The following VOPP1 variants were observed in gnomAD, a reference collection of about 807,000 sequenced individuals.
VOPP1 encodes WW domain binding protein VOPP1.
VOPP1 carries 8 observed loss-of-function variants against 23.5 expected under a neutral mutation model. That is an observed-to-expected ratio of 0.34 (90% confidence interval 0.20 to 0.61). VOPP1 has a LOEUF of 0.61. Among genes scored for constraint, VOPP1 ranks in the 20% least tolerant of loss-of-function variants. The probability of loss-of-function intolerance (pLI) is 0.78; values close to 1 mark genes in which losing one functional copy is unlikely to be tolerated. For missense variants in VOPP1, 174 were observed against 238.1 expected (o/e 0.73, Z 1.77); for synonymous variants, 83 against 97.3 (o/e 0.85, Z 0.86).
intron 3 of VOPP1, chr7:55,492,716 T>C (rs907178583): frequency 3.6e-6 from 1 of 274,582 alleles, no homozygotes; most frequent in Non-Finnish European, 6.8e-6. Flanking sequence ...AAGAAAAAGC[T>C]CATGCAGTCA....
intron 2 of VOPP1, among the ~76,000 whole-genome samples, chr7:55,519,145 G>A (rs549442211): frequency 2.3e-4 from 35 of 152,286 alleles, no homozygotes; most frequent in African/African-American, 7.0e-4. Flanking sequence ...GCTGAACTTC[G>A]TGTTCTCATG....
chr7:55,482,482 ATTTTTT>A (rs71031859), intron 4 of VOPP1, among the ~76,000 whole-genome samples: 9 of 132,810 alleles, frequency 6.8e-5, no homozygotes, highest in African/African-American at 2.1e-4. Flanking sequence ...CACCTGGCTA[ATTTTTT>A]TTTTTTTTTT....
chr7:55,562,076 G>A lies in VOPP1; in HGVS notation c.54+10195C>T. The A allele has an allele frequency of 4.3e-6, 3 of 703,012 alleles. No homozygotes were observed. The South Asian group carries it at 4.4e-5, about 10-fold the overall frequency. 43.5% of individuals were successfully genotyped at this position (703,012 alleles called of 1,614,324 possible). On this transcript the variant is annotated intron_variant, in intron 1 of 4. Coordinates refer to ENST00000285279, the MANE Select transcript of VOPP1 (RefSeq NM_030796.5). ...TCTGTTAAAAAATAAAGATGACTAG[G>A]CTCCAGGTGCAGGTAATTGTTCGAA...
chr7:55,489,602 G>A (rs964786870), intron 4 of VOPP1, among the ~76,000 whole-genome samples: 14 of 152,228 alleles, frequency 9.2e-5, no homozygotes, highest in Admixed American at 1.3e-4. Context: ...TGTCCAGGCT[G>A]TGCAGTGTTT....
chr7:55,438,140 C>T (rs950627052), intron 4 of VOPP1, among the ~76,000 whole-genome samples: 2 of 152,126 alleles, frequency 1.3e-5, no homozygotes, highest in Admixed American at 1.3e-4. Context: ...GGTGATTCGT[C>T]TGCCTCGGCC....
intron 1 of VOPP1, among the ~76,000 whole-genome samples, chr7:55,525,789 TAAAAAAAAAAAAA>T (rs141901865): frequency 1.3e-5 from 1 of 77,954 alleles, no homozygotes; most frequent in Admixed American, 1.6e-4. Context: ...AAAACCTCTC[TAAAAAAAAAAAAA>T]AAAAAAAAAA....
intron 1 of VOPP1, among the ~76,000 whole-genome samples, chr7:55,531,533 G>A (rs1437992889): frequency 6.6e-6 from 1 of 152,130 alleles, no homozygotes; most frequent in African/African-American, 2.4e-5. Context: ...TGTATTTTTA[G>A]TAGAGATGGG....
intron 1 of VOPP1, among the ~76,000 whole-genome samples, chr7:55,536,426 G>A (rs746279974): frequency 4.6e-5 from 7 of 152,172 alleles, no homozygotes; most frequent in Non-Finnish European, 8.8e-5. Context: ...CTACTCGGGA[G>A]GTTGAGGCAG....
intron 2 of VOPP1, among the ~76,000 whole-genome samples, chr7:55,499,021 A>G (rs1794179013): frequency 6.6e-6 from 1 of 152,110 alleles, no homozygotes. Flanking sequence ...CATTCCACAG[A>G]CAATATGGCA....
At chr7:55,436,218 C>T (rs1481703033) in intron 4 of VOPP1, 1 of 152,196 alleles carries the variant, frequency 6.6e-6, no homozygotes, top group African/African-American at 2.4e-5. Flanking sequence ...TTACAGCCAA[C>T]CCAGGGTGGT....
At chr7:55,552,652 C>G in intron 1 of VOPP1, 1 of 1,536,052 alleles carries the variant, frequency 6.5e-7, no homozygotes, top group Non-Finnish European at 8.7e-7. Context: ...CCTTTTCCTA[C>G]CATATGACAC....
chr7:55,542,706 C>T (rs1327645827), intron 1 of VOPP1, among the ~76,000 whole-genome samples: 1 of 151,848 alleles, frequency 6.6e-6, no homozygotes, highest in African/African-American at 2.4e-5. Flanking sequence ...AGGAGAATCA[C>T]TTGAACCCTA....
intron 4 of VOPP1, among the ~76,000 whole-genome samples, chr7:55,437,026 C>T (rs948405004): frequency 6.6e-6 from 1 of 152,176 alleles, no homozygotes; most frequent in Non-Finnish European, 1.5e-5. Context: ...AAACGTGTCC[C>T]GAGCAGCATA....
intron 1 of VOPP1, among the ~76,000 whole-genome samples, chr7:55,551,646 C>T (rs972890677): frequency 1.2e-4 from 18 of 152,090 alleles, no homozygotes; most frequent in African/African-American, 4.3e-4. Context: ...GGGTTCAACA[C>T]GGTCAGGGCT....
intron 1 of VOPP1, among the ~76,000 whole-genome samples, chr7:55,555,467 A>G (rs1359258040): frequency 6.6e-6 from 1 of 152,240 alleles, no homozygotes; most frequent in Non-Finnish European, 1.5e-5. Context: ...CTGTAAAATG[A>G]GCGGCAACAT....
intron 4 of VOPP1, among the ~76,000 whole-genome samples, chr7:55,475,155 C>T (rs747068049): frequency 6.6e-6 from 1 of 152,146 alleles, no homozygotes; most frequent in Non-Finnish European, 1.5e-5. Flanking sequence ...GAAACGCTTG[C>T]GCATATGGGC....
At position 55,462,919 on chromosome 7, in the gene VOPP1, A is replaced by G. The variant is rs369618053; in HGVS notation, n.418-26745T>C. Among the ~76,000 whole-genome samples the G allele has an allele frequency of 5.3e-5, 8 of 152,096 alleles. 1 individual carries two copies. The highest frequency in any genetic ancestry group is 1.7e-4 in the African/African-American group (7 of 41,514). ...GATCCGCCCGCCTCGGCCTCCCAAT[A>G]TATTTTTAACTTCATTCATTGAACC... On this transcript the variant is annotated intron_variant and non_coding_transcript_variant, in intron 4 of 4. Coordinates refer to the VOPP1 transcript ENST00000462326.
At chr7:55,572,086 G>C (rs1798383264) in intron 1 of VOPP1, among the ~76,000 whole-genome samples, 185 bp downstream of exon 1, 1 of 152,052 alleles carries the variant, frequency 6.6e-6, no homozygotes, top group African/African-American at 2.4e-5. Flanking sequence ...ACCGGGGCGG[G>C]AGCCTCCCCG....
At chr7:55,520,694 A>G (rs1044079712) in intron 2 of VOPP1, among the ~76,000 whole-genome samples, 3 of 152,236 alleles carry the variant, frequency 2.0e-5, no homozygotes, top group Non-Finnish European at 4.4e-5. Context: ...GGCTCCGCTG[A>G]GGACTGTTTC....
Sources: allele counts gnomAD v4.1 joint callset (sites outside exome capture counted in the v4.1 genomes callset), GRCh38; gene constraint gnomAD v4.1.1; transcripts MANE v1.5; gene names NCBI Gene and HGNC (gene_info 2026-07-23, HGNC 2026-07-21).